Variants in LCN12 observed in about 807,000 individuals in gnomAD.
The protein encoded by LCN12 is epididymal-specific lipocalin-12.
Under a neutral mutation model 23.7 loss-of-function variants are expected in LCN12, and 15 were observed. The observed-to-expected ratio is 0.63, with a 90% CI of 0.42 to 0.97. The LOEUF (loss-of-function observed/expected upper bound fraction) is 0.97, where lower values mean the gene tolerates loss of function less well. LCN12 is among the 50% of genes least tolerant of loss of function. The probability of loss-of-function intolerance (pLI) is 0.00; values close to 1 mark genes in which losing one functional copy is unlikely to be tolerated. For missense variants in LCN12, 219 were observed against 249.6 expected (o/e 0.88, Z 0.83); for synonymous variants, 116 against 111.5 (o/e 1.04, Z -0.25).
At chr9:136,952,248 G>A (rs1851171233), upstream of LCN12, 8 of 961,930 alleles carry the variant, frequency 8.3e-6, no homozygotes, top group East Asian at 2.1e-4. Context: ...CTGGGTATGT[G>A]CATGAAGAGG....
chr9:136,956,477 A>G (rs1414237358), downstream of LCN12, among the ~76,000 whole-genome samples: 1 of 152,198 alleles, frequency 6.6e-6, no homozygotes, highest in Non-Finnish European at 1.5e-5. Context: ...CCCCAACGAG[A>G]TGGATCCCCA....
At chr9:136,951,042 C>T (rs895849676), upstream of LCN12, among the ~76,000 whole-genome samples, 1 of 122,490 alleles carries the variant, frequency 8.2e-6, no homozygotes, top group African/African-American at 2.9e-5. Context: ...GACAGAGGCT[C>T]ACAGGCCAGG....
At chr9:136,954,645 C>T (rs759691678) in intron 5 of LCN12, 3 of 1,118,654 alleles carry the variant, frequency 2.7e-6, no homozygotes, top group Non-Finnish European at 2.4e-6. Context: ...CGGGCCATCT[C>T]CTCCCTCTGG....
chr9:136,954,202 T>C lies in LCN12; in HGVS notation c.497T>C (p.Leu166Pro). Residue 166 changes from leucine to proline, a missense_variant, in exon 5 of 6, where the codon CTG becomes CCG. Coordinates refer to ENST00000371633, the MANE Select transcript of LCN12 (RefSeq NM_178536.4). ...GGGACGCTGGACCAGTTCATCTGCCTGGGCAGAGCTCAGGGCCTCTCGGAT... is the reference window on the plus strand; with the variant it reads ...GGGACGCTGGACCAGTTCATCTGCCCGGGCAGAGCTCAGGGCCTCTCGGAT... ...PPGTLDQFICLGRAQGLSDDN... is the reference protein window; with the variant it reads ...PPGTLDQFICPGRAQGLSDDN... The C allele has an allele frequency of 6.3e-7, 1 of 1,577,274 alleles. No homozygotes were observed.
chr9:136,954,221 C>T lies in LCN12; in HGVS notation c.516C>T (p.Leu172=). 1.3e-6 allele frequency: 2 copies of T among 1,578,326 alleles called. No individual in the cohort carries two copies. The highest frequency in any genetic ancestry group is 1.3e-5 in the African/African-American group (1 of 74,148). ...QFICLGRAQG[L]SDDNIVFPDV... ...TCTGCCTGGGCAGAGCTCAGGGCCTCTCGGATGACAACATCGTCTTCCCAG... is the reference window on the plus strand; with the variant it reads ...TCTGCCTGGGCAGAGCTCAGGGCCTTTCGGATGACAACATCGTCTTCCCAG... The change falls in exon 5 of 6, where the codon CTC becomes CTT. Residue 172 remains leucine (L), a synonymous_variant. Coordinates refer to ENST00000371633, the MANE Select transcript of LCN12 (RefSeq NM_178536.4).
Position 136,954,178 on chromosome 9 carries a change from G to C in LCN12, c.473G>C (p.Gly158Ala). The change falls in exon 5 of 6, where the codon GGG (glycine) becomes GCG (alanine). Residue 158 changes from glycine to alanine, a missense_variant. By Grantham distance (60) the Gly-to-Ala change is moderately conservative (BLOSUM62 0). Transcript: ENST00000371633. ...LLGRSWLLPP[G>A]TLDQFICLGR... ...GGCAGGAGCTGGTTGCTGCCTCCCGGGACGCTGGACCAGTTCATCTGCCTG... is the reference window on the plus strand; with the variant it reads ...GGCAGGAGCTGGTTGCTGCCTCCCGCGACGCTGGACCAGTTCATCTGCCTG... The C allele has an allele frequency of 6.4e-7, 1 of 1,568,124 alleles. No homozygotes were observed. Among genetic ancestry groups the C allele is most frequent in the Non-Finnish European group, 8.7e-7 (1 of 1,155,664 alleles).
chr9:136,952,292 C>T lies in LCN12; in HGVS notation c.-36C>T, dbSNP rs1378770992. On this transcript the variant is annotated 5_prime_UTR_variant, in exon 1 of 6. Transcript: ENST00000371633. Reference sequence around the variant, plus strand: ...TGGGTCACCTGCCCATGGCCACTTCCTTCTCTCTGTCCCTGTGGGCCCAGC... The same window carrying T: ...TGGGTCACCTGCCCATGGCCACTTCTTTCTCTCTGTCCCTGTGGGCCCAGC... The T allele has an allele frequency of 2.7e-6, 4 of 1,501,348 alleles. No homozygotes were observed. Among genetic ancestry groups the T allele is most frequent in the South Asian group, 2.3e-5 (2 of 85,950 alleles). 93.0% of individuals were successfully genotyped at this position (1,501,348 alleles called of 1,614,324 possible).
upstream of LCN12, chr9:136,952,235 C>G: frequency 1.1e-6 from 1 of 883,250 alleles, no homozygotes. Context: ...GGAGGGGCAC[C>G]TGCTGGGTAT....
intron 5 of LCN12, 145 bp from the exon 6 acceptor site, chr9:136,955,226 C>T: frequency 6.8e-7 from 1 of 1,462,450 alleles, no homozygotes; most frequent in African/African-American, 1.4e-5. Context: ...AGCCCCTTCC[C>T]CTAGACCCAC....
Position 136,955,437 on chromosome 9 carries a change from A to G in LCN12, c.*38A>G. On this transcript the variant is annotated 3_prime_UTR_variant, in exon 6 of 6. Transcript: ENST00000371633. The stretch of plus-strand genomic sequence containing the variant: ...CTCCTGTCCGGCCCAGCCCTGCCTC[A>G]CAGCTGTGCGAGCTCTGCCCTCCTC... 1 of 1,598,410 alleles carries G rather than the reference A, an allele frequency of 6.3e-7. No individual in the cohort carries two copies.
In LCN12 at chr9:136,953,749, C is replaced by A; in HGVS notation, c.301C>A (p.Pro101Thr). ...WSYVLIPAAQ[P>T]GQFTVDHGVE... ...TTATGTGCTGATACCGGCAGCCCAG[C>A]CTGGGCAGTTCACTGTGGACCACGG... is the stretch of plus-strand genomic sequence containing the variant. Residue 101 changes from proline (P) to threonine (T), a missense_variant, in exon 3 of 6, where the codon CCT becomes ACT. By Grantham distance (38) the Pro-to-Thr change is conservative. Coordinates refer to ENST00000371633, the MANE Select transcript of LCN12 (RefSeq NM_178536.4). 6.2e-7 allele frequency: 1 copy of A among 1,606,116 alleles called. No homozygotes were observed. Among genetic ancestry groups the A allele is most frequent in the South Asian group, 1.1e-5 (1 of 89,268 alleles).
At chr9:136,950,581 C>A (rs1383700275), upstream of LCN12, among the ~76,000 whole-genome samples, 1 of 152,230 alleles carries the variant, frequency 6.6e-6, no homozygotes, top group Admixed American at 6.5e-5. Flanking sequence ...ATAAGACGGG[C>A]TCCGGGAGGG....
chr9:136,953,047 C>A lies in LCN12; in HGVS notation c.251+19C>A. ...TGACTCGGTGAGTGGCTGTCCCTGC[C>A]GTTCCAAGCGGGTGAGGAGGATCCC... On this transcript the variant is annotated intron_variant, in intron 2 of 5. Coordinates refer to ENST00000371633, the MANE Select transcript of LCN12 (RefSeq NM_178536.4). The A allele has an allele frequency of 6.2e-7, 1 of 1,613,120 alleles. No individual in the cohort carries two copies.
chr9:136,950,192 T>A (rs1044488888), upstream of LCN12, among the ~76,000 whole-genome samples: 1 of 152,234 alleles, frequency 6.6e-6, no homozygotes, highest in East Asian at 1.9e-4. Context: ...AGCACCTGCG[T>A]CTGCCCCGCG....
At chr9:136,950,200 G>C (rs1440754117), upstream of LCN12, among the ~76,000 whole-genome samples, 1 of 152,204 alleles carries the variant, frequency 6.6e-6, no homozygotes, top group Middle Eastern at 3.2e-3. Flanking sequence ...CGTCTGCCCC[G>C]CGGTGGGGGG....
intron 5 of LCN12, chr9:136,954,899 C>T (rs369851461): frequency 3.3e-6 from 4 of 1,230,458 alleles, no homozygotes; most frequent in Admixed American, 2.9e-5. Context: ...TGGTCCTTTA[C>T]ATGTGCATAA....
Position 136,954,224 on chromosome 9 carries a change from G to A in LCN12, c.519G>A (p.Ser173=), listed in dbSNP as rs138414101. 1,025 of 1,578,098 alleles carry A rather than the reference G, an allele frequency of 6.5e-4. 3 individuals are homozygous for A. Among genetic ancestry groups the A allele is most frequent in the Middle Eastern group, 8.3e-4 (5 of 6,014 alleles). Residue 173 remains serine (S), a synonymous_variant, in exon 5 of 6, where the codon TCG becomes TCA. Transcript: ENST00000371633. ...GCCTGGGCAGAGCTCAGGGCCTCTC[G>A]GATGACAACATCGTCTTCCCAGATG... The part of the protein sequence containing the change: ...FICLGRAQGL[S]DDNIVFPDVT...
Position 136,953,379 on chromosome 9 carries a change from GTC to G in LCN12, c.252-320_252-319del, listed in dbSNP as rs2131376711. On this transcript the variant is annotated intron_variant, in intron 2 of 5. Coordinates refer to ENST00000371633, the MANE Select transcript of LCN12 (RefSeq NM_178536.4). ...CCTAGCACTTTGGGGGCCGGGCGCG[GTC>G]GCGCACACCTGTAATCCTAGCACTT... 5 of 60,992 alleles carry G rather than the reference GTC, an allele frequency of 8.2e-5. 2 individuals are homozygous for G. Among genetic ancestry groups the G allele is most frequent in the South Asian group, 7.1e-4 (4 of 5,666 alleles). The allele number at this position is 60,992 out of a possible 1,614,324, so 3.8% of individuals were successfully genotyped here. A position where few individuals can be genotyped will look rare whatever the true frequency, so the allele number is the denominator to read the frequency against.
downstream of LCN12, among the ~76,000 whole-genome samples, chr9:136,956,106 C>T (rs951385969): frequency 3.9e-5 from 6 of 152,080 alleles, no homozygotes; most frequent in Admixed American, 2.0e-4. Flanking sequence ...TGTCTGTATT[C>T]GGACGCCCAC....
Sources: gnomAD v4.1 joint callset for allele counts (sites outside exome capture counted in the v4.1 genomes callset) on GRCh38, gnomAD v4.1.1 for gene constraint, MANE v1.5 for transcripts, NCBI Gene and HGNC (gene_info 2026-07-23, HGNC 2026-07-21) for gene names.